DNAJC11: variants seen among roughly 807,000 people sequenced by gnomAD.
The protein encoded by DNAJC11 is DnaJ heat shock protein family (Hsp40) member C11.
Under a neutral mutation model 78.6 loss-of-function variants are expected in DNAJC11, and 15 were observed. The observed-to-expected ratio is 0.19, with a 90% CI of 0.13 to 0.29. DNAJC11 has a LOEUF of 0.29. Ranked by LOEUF, DNAJC11 falls within the 10% of genes least tolerant of loss-of-function variation. The probability of loss-of-function intolerance (pLI) is 1.00; values close to 1 mark genes in which losing one functional copy is unlikely to be tolerated. For missense variants in DNAJC11, 547 were observed against 709.6 expected (o/e 0.77, Z 2.60); for synonymous variants, 292 against 272.1 (o/e 1.07, Z -0.72).
intron 1 of DNAJC11, 93 bp from the exon 2 acceptor site, chr1:6,681,130 C>T (rs1229511953): frequency 8.9e-6 from 12 of 1,342,768 alleles, no homozygotes; most frequent in South Asian, 4.2e-5. Context: ...CCATCAGCCA[C>T]GTCCCAATGT....
At chr1:6,673,550 TACA>T (rs1320310172) in intron 3 of DNAJC11, among the ~76,000 whole-genome samples, 1 of 152,182 alleles carries the variant, frequency 6.6e-6, no homozygotes, top group Admixed American at 6.5e-5. Context: ...TTGGAAACGC[TACA>T]ACAACAGTAC....
Position 6,678,454 on chromosome 1 carries a change from G to A in DNAJC11, c.216C>T (p.Pro72=), listed in dbSNP as rs143559284. Residue 72 remains proline, a synonymous_variant, in exon 3 of 16, where the codon CCC becomes CCT. Transcript: ENST00000377577. ...VHQAYEVLSD[P]QTRAIYDIYG... ...ATATATCATAGATGGCCCTGGTTTG[G>A]GGGTCACTAAGCACTGCAAATTAAA... 3.6e-5 allele frequency: 58 copies of A among 1,613,560 alleles called. No homozygotes were observed. The Middle Eastern group carries it at 6.6e-4, about 18-fold the overall frequency.
In DNAJC11 at chr1:6,673,047, T is replaced by G. The variant is rs548475640; in HGVS notation, c.277-5237A>C. ...CCTGTCTCTACTAAAAATACAAAAT[T>G]TTGCTGGGCATGGTGGCGGGCGCCC... On this transcript the variant is annotated intron_variant, in intron 3 of 15. Transcript: ENST00000377577. Among the ~76,000 whole-genome samples the G allele has an allele frequency of 2.2e-3, 339 of 151,622 alleles. 1 individual carries two copies. Among genetic ancestry groups the G allele is most frequent in the Non-Finnish European group, 3.9e-3 (263 of 67,884 alleles).
intron 1 of DNAJC11, among the ~76,000 whole-genome samples, chr1:6,698,095 T>C (rs1358089520): frequency 2.6e-5 from 4 of 152,184 alleles, no homozygotes; most frequent in Non-Finnish European, 4.4e-5. Flanking sequence ...AGCCTATGCT[T>C]ATAATTTTAA....
At chr1:6,687,547 C>T (rs1292382610) in intron 1 of DNAJC11, among the ~76,000 whole-genome samples, 4 of 151,868 alleles carry the variant, frequency 2.6e-5, no homozygotes, top group African/African-American at 4.8e-5. Flanking sequence ...TTAGTAGAGA[C>T]GGGGTTTCAC....
intron 11 of DNAJC11, among the ~76,000 whole-genome samples, chr1:6,638,955 C>G (rs1288865612): frequency 6.6e-6 from 1 of 152,236 alleles, no homozygotes; most frequent in South Asian, 2.1e-4. Flanking sequence ...ATGTCTTGTT[C>G]TAAGCCTCAA....
intron 1 of DNAJC11, among the ~76,000 whole-genome samples, chr1:6,698,990 C>T (rs1162201073): frequency 6.7e-6 from 1 of 149,570 alleles, no homozygotes; most frequent in African/African-American, 2.5e-5. Context: ...TTTATATATA[C>T]TTCATCCTTA....
At chr1:6,684,471 CAGTT>C (rs1461493644) in intron 1 of DNAJC11, among the ~76,000 whole-genome samples, 4 of 152,200 alleles carry the variant, frequency 2.6e-5, no homozygotes, top group Middle Eastern at 3.2e-3. Flanking sequence ...GACTGACTCT[CAGTT>C]AGACTGCTAT....
intron 3 of DNAJC11, among the ~76,000 whole-genome samples, chr1:6,672,386 G>A (rs1642394296): frequency 6.6e-6 from 1 of 152,156 alleles, no homozygotes. Context: ...AAAGGCTGCA[G>A]CAGGAAAAGA....
At position 6,680,294 on chromosome 1, in the gene DNAJC11, G is replaced by A. The variant is rs1348753706; in HGVS notation, c.202+614C>T. Among the ~76,000 whole-genome samples, 1 of 152,082 alleles carries A rather than the reference G, an allele frequency of 6.6e-6. No individual in the cohort carries two copies. The highest frequency in any genetic ancestry group is 2.4e-5 in the African/African-American group (1 of 41,382). On this transcript the variant is annotated intron_variant, in intron 2 of 15. Coordinates refer to ENST00000377577, the MANE Select transcript of DNAJC11 (RefSeq NM_018198.4). This position sits in a 1 kb window ranked among gnomAD's most constrained non-coding sequence, Gnocchi z 4.0. ...GCATGAAGTACATTTACAATGTTGT[G>A]TAACCATCATCACTCTCTATTTCCA...
rs1641750301 is a variant in DNAJC11, at chr1:6,635,625, TC to T, written c.*49del. The T allele has an allele frequency of 1.2e-6, 2 of 1,604,172 alleles. No homozygotes were observed. The highest frequency in any genetic ancestry group is 2.2e-5 in the East Asian group (1 of 44,856). On this transcript the variant is annotated 3_prime_UTR_variant, in exon 16 of 16. Coordinates refer to ENST00000377577, the MANE Select transcript of DNAJC11 (RefSeq NM_018198.4). ...TTTTTTCATTTCCAAATTTGTAGAC[TC>T]CCAGGAAAAGATTTTTTGCGGCCTT...
chr1:6,644,672 G>C lies in DNAJC11; in HGVS notation c.983C>G (p.Ala328Gly). ...DQTRVKGSLK[A>G]GFFGTVVEYG... Reference sequence around the variant, plus strand: ...CTCCACCACCGTCCCAAAGAAGCCTGCTCTGCAGGGAGAGAACGCGGTCTG... The same window carrying C: ...CTCCACCACCGTCCCAAAGAAGCCTCCTCTGCAGGGAGAGAACGCGGTCTG... The change falls in exon 10 of 16, where the codon GCA becomes GGA. Residue 328 changes from alanine to glycine, a missense_variant and splice_region_variant. Transcript: ENST00000377577. The C allele has an allele frequency of 6.2e-7, 1 of 1,613,664 alleles. No homozygotes were observed. Among genetic ancestry groups the C allele is most frequent in the Non-Finnish European group, 8.5e-7 (1 of 1,179,550 alleles).
chr1:6,635,066 G>C lies in DNAJC11; in HGVS notation c.*609C>G. On this transcript the variant is annotated 3_prime_UTR_variant, in exon 16 of 16. Coordinates refer to ENST00000377577, the MANE Select transcript of DNAJC11 (RefSeq NM_018198.4). ...GCCGAGGGGGCCGGTGGAATGACTT[G>C]AGCAGCTCTGGGAGTGGGGAAAAAA... The C allele has an allele frequency of 4.3e-6, 1 of 234,008 alleles. No homozygotes were observed. The highest frequency in any genetic ancestry group is 7.1e-5 in the South Asian group (1 of 14,016). The allele number at this position is 234,008 out of a possible 1,614,324, so 14.5% of individuals were successfully genotyped here.
intron 1 of DNAJC11, among the ~76,000 whole-genome samples, chr1:6,694,809 CAA>C (rs754185823): frequency 1.2e-3 from 137 of 114,016 alleles, no homozygotes; most frequent in African/African-American, 3.8e-3. Flanking sequence ...ACTAAAAATA[CAA>C]AAAAAAAAAA....
At chr1:6,661,031 G>A (rs566904185) in intron 4 of DNAJC11, among the ~76,000 whole-genome samples, 134 of 152,296 alleles carry the variant, frequency 8.8e-4, no homozygotes, top group African/African-American at 3.1e-3. Flanking sequence ...ACATTTAACT[G>A]ACAAATAGAG....
chr1:6,640,136 C>T, intron 10 of DNAJC11, 79 bp from the exon 11 acceptor site: 2 of 1,462,898 alleles, frequency 1.4e-6, no homozygotes, highest in Non-Finnish European at 1.8e-6. Flanking sequence ...GGGTGTCAGG[C>T]ACAGGAAGAG....
chr1:6,683,537 C>T (rs1243681374), intron 1 of DNAJC11, among the ~76,000 whole-genome samples: 7 of 152,218 alleles, frequency 4.6e-5, no homozygotes, highest in Non-Finnish European at 8.8e-5. Flanking sequence ...AATAGTGCTT[C>T]TTTCTGAGTC....
At position 6,634,835 on chromosome 1, in the gene DNAJC11, T is replaced by C. The variant is rs1194274702; in HGVS notation, c.*840A>G. The stretch of plus-strand genomic sequence containing the variant: ...GGGGTCCACGCCTTTGGGTTGGGTG[T>C]GTCTGATGTCTTGCCAAGCGCCTGG... On this transcript the variant is annotated 3_prime_UTR_variant, in exon 16 of 16. Coordinates refer to ENST00000377577, the MANE Select transcript of DNAJC11 (RefSeq NM_018198.4). 8.1e-7 allele frequency: 1 copy of C among 1,241,916 alleles called. No individual in the cohort carries two copies. The highest frequency in any genetic ancestry group is 1.4e-5 in the South Asian group (1 of 71,780). 76.9% of individuals were successfully genotyped at this position (1,241,916 alleles called of 1,614,324 possible).
chr1:6,657,214 A>T (rs1175562758), intron 4 of DNAJC11, among the ~76,000 whole-genome samples: 1 of 152,164 alleles, frequency 6.6e-6, no homozygotes, highest in African/African-American at 2.4e-5. Flanking sequence ...GAAGCCTTGC[A>T]GCTTGGCCCA....
Sources: gnomAD v4.1 joint callset for allele counts (sites outside exome capture counted in the v4.1 genomes callset) on GRCh38, gnomAD v4.1.1 for gene constraint, Gnocchi (gnomAD v3.1) non-coding constraint, MANE v1.5 for transcripts, NCBI Gene and HGNC (gene_info 2026-07-23, HGNC 2026-07-21) for gene names.